Variants in CACNA2D1 observed in about 807,000 individuals in gnomAD.
CACNA2D1 encodes voltage-dependent calcium channel subunit alpha-2/delta-1.
In CACNA2D1, 53 loss-of-function variants were observed where a neutral mutation model predicts 171.5. The observed-to-expected ratio is 0.31, with a 90% CI of 0.25 to 0.39. CACNA2D1 has a LOEUF of 0.39. Ranked by LOEUF, CACNA2D1 falls within the 10% of genes least tolerant of loss-of-function variation. The probability of loss-of-function intolerance (pLI) is 1.00; values close to 1 mark genes in which losing one functional copy is unlikely to be tolerated. For missense variants in CACNA2D1, 903 were observed against 1,299.8 expected, an observed-to-expected ratio of 0.69 and a Z score of 4.69; for synonymous variants, 442 against 443.1, an observed-to-expected ratio of 1.00 and a Z score of 0.03.
At chr7:82,132,098 T>C (rs1202686667) in intron 5 of CACNA2D1, among the ~76,000 whole-genome samples, 4 of 152,204 alleles carry the variant, frequency 2.6e-5, no homozygotes, top group African/African-American at 9.6e-5. Context: ...AATATTTCTA[T>C]TGCAGAAAAC....
At chr7:82,153,587 TATATA>T (rs1431929242) in intron 4 of CACNA2D1, among the ~76,000 whole-genome samples, 3 of 151,990 alleles carry the variant, frequency 2.0e-5, no homozygotes, top group African/African-American at 7.2e-5. Context: ...AATCTCTAAC[TATATA>T]ATATAAATTT....
At chr7:82,335,761 A>G (rs1225371278) in intron 2 of CACNA2D1, among the ~76,000 whole-genome samples, 1 of 152,224 alleles carries the variant, frequency 6.6e-6, no homozygotes, top group Admixed American at 6.5e-5. Context: ...CAGTTCACAT[A>G]TAGAAGAGAT....
At chr7:82,337,782 C>T (rs989699654) in intron 2 of CACNA2D1, among the ~76,000 whole-genome samples, 3 of 152,146 alleles carry the variant, frequency 2.0e-5, no homozygotes, top group African/African-American at 7.2e-5. Flanking sequence ...GACTTAAAAA[C>T]AGGATACTTT....
Position 81,993,351 on chromosome 7 carries a change from C to T in CACNA2D1, c.1734+1517G>A, listed in dbSNP as rs140856313. Among the ~76,000 whole-genome samples the T allele has an allele frequency of 6.0e-4, 92 of 152,210 alleles. 1 individual carries two copies. Among genetic ancestry groups the T allele is most frequent in the African/African-American group, 1.9e-3 (81 of 41,556 alleles). ...AATGTGCCAAACTGGAGATTCCTAG[C>T]TCATCAATATGGAACATGGTACAAG... is the stretch of plus-strand genomic sequence containing the variant. On this transcript the variant is annotated intron_variant, in intron 20 of 38. Transcript: ENST00000356860.
intron 1 of CACNA2D1, among the ~76,000 whole-genome samples, chr7:82,421,212 ATT>A (rs1328323950): frequency 6.6e-6 from 1 of 152,202 alleles, no homozygotes; most frequent in Non-Finnish European, 1.5e-5. Flanking sequence ...CTCAGGAAGC[ATT>A]CTTTCAAAAC....
At chr7:82,040,248 G>A (rs1174107369) in intron 10 of CACNA2D1, among the ~76,000 whole-genome samples, 1 of 152,072 alleles carries the variant, frequency 6.6e-6, no homozygotes, top group African/African-American at 2.4e-5. Flanking sequence ...TTCAATAACT[G>A]CCAGGTTTCT....
Position 82,137,749 on chromosome 7 carries a change from G to A in CACNA2D1, c.355-1073C>T, listed in dbSNP as rs575926363. On this transcript the variant is annotated intron_variant, in intron 4 of 38. Transcript: ENST00000356860. ...AAAAAAATTAGCCGGGCGTGGTGGC[G>A]GGTGCCTGTAGTCCCAGCTACTCCG... is the stretch of plus-strand genomic sequence containing the variant. Among the ~76,000 whole-genome samples, 154 of 140,430 alleles carry A rather than the reference G, an allele frequency of 1.1e-3. 2 individuals carry two copies. In the East Asian group the frequency reaches 0.02, roughly 18 times the overall value. The allele number at this position is 140,430 out of a possible 152,430, so 92.1% of individuals were successfully genotyped here. A position where few individuals can be genotyped will look rare whatever the true frequency, so the allele number is the denominator to read the frequency against.
chr7:81,983,548 CCT>C (rs1356309091), intron 22 of CACNA2D1, among the ~76,000 whole-genome samples: 1 of 151,918 alleles, frequency 6.6e-6, no homozygotes, highest in African/African-American at 2.4e-5. Flanking sequence ...ACTAGATTAC[CCT>C]CTCTGTACTG....
chr7:82,171,850 C>T (rs967071106), intron 3 of CACNA2D1, among the ~76,000 whole-genome samples: 31 of 152,198 alleles, frequency 2.0e-4, no homozygotes, highest in Non-Finnish European at 3.8e-4. Flanking sequence ...ATCTCAGAGT[C>T]ATTTATTGAT....
At chr7:82,146,454 A>T (rs1024029023) in intron 4 of CACNA2D1, among the ~76,000 whole-genome samples, 11 of 142,696 alleles carry the variant, frequency 7.7e-5, no homozygotes, top group African/African-American at 2.8e-4. Context: ...ATATATAAAG[A>T]TATATATAAA....
intron 6 of CACNA2D1, among the ~76,000 whole-genome samples, chr7:82,097,941 C>T (rs1356921989): frequency 1.3e-5 from 2 of 151,976 alleles, no homozygotes; most frequent in African/African-American, 4.8e-5. Context: ...TGGTGAAACC[C>T]TGTCTCTACT....
At chr7:82,087,380 G>A (rs536746522) in intron 6 of CACNA2D1, among the ~76,000 whole-genome samples, 2 of 152,090 alleles carry the variant, frequency 1.3e-5, no homozygotes, top group Non-Finnish European at 2.9e-5. Flanking sequence ...TGCACATCGT[G>A]TTCACTGAAC....
Position 82,064,313 on chromosome 7 carries a change from A to G in CACNA2D1, c.770T>C (p.Leu257Pro). ...GTATTTAACAACTCACACATCCACC[A>G]GAATAAGCATGTCTTTAGGAGATGC... ...GAASPKDMLILVDVSGSVSGL... is the reference protein window; with the variant it reads ...GAASPKDMLIPVDVSGSVSGL... The change falls in exon 9 of 39, where the codon CTG (leucine) becomes CCG (proline). Residue 257 changes from leucine (L) to proline (P), a missense_variant. Leu to Pro is a moderately conservative substitution (Grantham distance 98). This residue lies in a region of CACNA2D1 where 12 missense variants were observed against 50.7 expected (regional missense o/e 0.24). Transcript: ENST00000356860. The G allele has an allele frequency of 6.2e-7, 1 of 1,600,280 alleles. No homozygotes were observed.
rs1793906941 is a variant in CACNA2D1, at chr7:81,959,941, A to C, written c.2967-112T>G. 3.4e-6 allele frequency: 5 copies of C among 1,473,794 alleles called. No individual in the cohort carries two copies. The Admixed American group carries it at 8.1e-5, about 24-fold the overall frequency. The allele number at this position is 1,473,794 out of a possible 1,614,324, so 91.3% of individuals were successfully genotyped here. A position where few individuals can be genotyped will look rare whatever the true frequency, so the allele number is the denominator to read the frequency against. ...AAAGACAAAATATGACATCTGAAAC[A>C]GAAACCATTCCCAGCACAATAGGAG... On this transcript the variant is annotated intron_variant, in intron 36 of 38. Transcript: ENST00000356860.
chr7:82,443,700 C>T lies in CACNA2D1; in HGVS notation c.-241G>A, dbSNP rs1585986495. The T allele has an allele frequency of 8.1e-7, 1 of 1,235,890 alleles. No homozygotes were observed. The highest frequency in any genetic ancestry group is 3.2e-5 in the East Asian group (1 of 31,688). 76.6% of individuals were successfully genotyped at this position (1,235,890 alleles called of 1,614,324 possible). On this transcript the variant is annotated 5_prime_UTR_variant, in exon 1 of 39. Coordinates refer to ENST00000356860, the MANE Select transcript of CACNA2D1 (RefSeq NM_000722.4). ...TGCGTCGGCTGCTCCGCGCCGCGGC[C>T]GCCTTGCCTCCGCCGCCATCAAGGG...
chr7:82,076,669 A>G (rs1809006013), intron 7 of CACNA2D1, among the ~76,000 whole-genome samples: 2 of 152,098 alleles, frequency 1.3e-5, no homozygotes, highest in Non-Finnish European at 2.9e-5. Context: ...CCTTCTAATC[A>G]TAATATTAAG....
chr7:82,410,700 C>T (rs953995149), intron 1 of CACNA2D1, among the ~76,000 whole-genome samples: 3 of 152,174 alleles, frequency 2.0e-5, no homozygotes, highest in Non-Finnish European at 2.9e-5. Context: ...AAAAATAAAG[C>T]GACAAAAGCA....
intron 3 of CACNA2D1, among the ~76,000 whole-genome samples, chr7:82,270,944 A>C (rs757535459): frequency 7.2e-5 from 11 of 152,096 alleles, no homozygotes; most frequent in Non-Finnish European, 1.5e-4. Flanking sequence ...ATTTAACTAC[A>C]AACTACTTCT....
In CACNA2D1 at chr7:82,030,868, A is replaced by C. The variant is rs535280446; in HGVS notation, c.1143+1929T>G. On this transcript the variant is annotated intron_variant, in intron 12 of 38. Transcript: ENST00000356860. ...ATTAATAGAATTGAATTTTGTGTTA[A>C]ACTTTTGTTATATTTGAGTTCTTCA... is the stretch of plus-strand genomic sequence containing the variant. Among the ~76,000 whole-genome samples, 10 of 152,024 alleles carry C rather than the reference A, an allele frequency of 6.6e-5. No individual in the cohort carries two copies. In the East Asian group the frequency reaches 1.9e-3, roughly 29 times the overall value.
Sources: gnomAD v4.1 joint callset for allele counts (sites outside exome capture counted in the v4.1 genomes callset) on GRCh38, gnomAD v4.1.1 for gene constraint, gnomAD v4.1.1 regional missense constraint, MANE v1.5 for transcripts, NCBI Gene and HGNC (gene_info 2026-07-23, HGNC 2026-07-21) for gene names.